ZFHX3: variants seen among roughly 807,000 people sequenced by gnomAD.
ZFHX3 encodes zinc finger homeobox 3, also known as zinc finger homeobox protein 3.
A neutral mutation model predicts 279.1 loss-of-function variants in ZFHX3; 42 were observed. The observed-to-expected ratio is 0.15, with a 90% CI of 0.12 to 0.19. The LOEUF is 0.19. Among genes scored for constraint, ZFHX3 ranks in the 10% least tolerant of loss-of-function variants. ZFHX3 has a pLI of 1.00. For missense variants in ZFHX3, 4,981 were observed against 4,754.0 expected, an observed-to-expected ratio of 1.05 and a Z score of -1.40; for synonymous variants, 2,293 against 1,957.8, an observed-to-expected ratio of 1.17 and a Z score of -4.52.
intron 1 of ZFHX3, among the ~76,000 whole-genome samples, chr16:73,872,079 G>C (rs1269816490): frequency 6.6e-6 from 1 of 152,138 alleles, no homozygotes; most frequent in African/African-American, 2.4e-5. Flanking sequence ...GTGAATGATT[G>C]GATGGAATGT....
At chr16:73,127,824 C>T (rs1966598054) in intron 7 of ZFHX3, among the ~76,000 whole-genome samples, 1 of 152,144 alleles carries the variant, frequency 6.6e-6, no homozygotes, top group South Asian at 2.1e-4. Flanking sequence ...GACTTATTTT[C>T]CTGAACTTTT....
intron 2 of ZFHX3, among the ~76,000 whole-genome samples, chr16:73,592,301 C>G (rs1393697573): frequency 1.3e-5 from 2 of 152,048 alleles, no homozygotes; most frequent in Non-Finnish European, 2.9e-5. Flanking sequence ...CAGAGATACT[C>G]AGATGGTTGC....
chr16:73,854,201 C>G (rs749179372), intron 1 of ZFHX3, among the ~76,000 whole-genome samples: 1 of 152,144 alleles, frequency 6.6e-6, no homozygotes, highest in Non-Finnish European at 1.5e-5. Context: ...TTCAGGTTCT[C>G]TTTGGCTGGG....
rs1299209519 is a variant in ZFHX3 at position 73,478,312 on chromosome 16, TG to T, written c.-1546-22055del. Reference sequence around the variant, plus strand: ...TCAGAATTAGGTACTAAAAGCCATATGACATGCCTGAACAGGGACTTGAACC... The same window carrying T: ...TCAGAATTAGGTACTAAAAGCCATATACATGCCTGAACAGGGACTTGAACC... On this transcript the variant is annotated intron_variant, in intron 2 of 17. Coordinates refer to the ZFHX3 transcript ENST00000641206. Among the ~76,000 whole-genome samples the T allele has an allele frequency of 1.5e-4, 22 of 147,638 alleles. 1 individual carries two copies. In the South Asian group the frequency reaches 4.8e-3, roughly 32 times the overall value.
At chr16:73,123,092 T>G (rs1168239714) in intron 7 of ZFHX3, among the ~76,000 whole-genome samples, 1 of 151,580 alleles carries the variant, frequency 6.6e-6, no homozygotes, top group African/African-American at 2.4e-5. Flanking sequence ...CCCCACCCTC[T>G]AAAACACAGG....
At position 72,798,562 on chromosome 16, in the gene ZFHX3, A is replaced by C. The variant is rs1358025572; in HGVS notation, c.4120T>G (p.Ser1374Ala). 14 of 1,614,186 alleles carry C rather than the reference A, an allele frequency of 8.7e-6. No individual in the cohort carries two copies. Among genetic ancestry groups the C allele is most frequent in the Non-Finnish European group, 1.1e-5 (13 of 1,180,036 alleles). ...KKGCNQVFKT[S>A]AALQTHFNEV... ...TTAAAATGCGTCTGAAGGGCAGCAG[A>C]AGTTTTGAAAACCTGGTTGCACCCC... is the stretch of plus-strand genomic sequence containing the variant. Residue 1374 changes from serine (S) to alanine (A), a missense_variant, in exon 9 of 10, where the codon TCT becomes GCT. Around this residue, in one of 7 missense-constraint regions of ZFHX3, gnomAD observed 1,751 missense variants for 1,770.0 expected, o/e 0.99. Coordinates refer to ENST00000268489, the MANE Select transcript of ZFHX3 (RefSeq NM_006885.4).
At position 72,786,516 on chromosome 16, in the gene ZFHX3, T is replaced by G. The variant is rs1363295235; in HGVS notation, c.*648A>C. On this transcript the variant is annotated 3_prime_UTR_variant, in exon 10 of 10. Coordinates refer to ENST00000268489, the MANE Select transcript of ZFHX3 (RefSeq NM_006885.4). ...AAAATCCCCAGAAAGCTAAAGCAGT[T>G]CACATTGTTTTTCTTGAATACTTTC... is the stretch of plus-strand genomic sequence containing the variant. 6.7e-6 allele frequency: 1 copy of G among 149,828 alleles called. No homozygotes were observed. The highest frequency in any genetic ancestry group is 1.5e-5 in the Non-Finnish European group (1 of 67,622). The allele number at this position is 149,828 out of a possible 1,614,324, so 9.3% of individuals were successfully genotyped here. A position where few individuals can be genotyped will look rare whatever the true frequency, so the allele number is the denominator to read the frequency against.
intron 1 of ZFHX3, among the ~76,000 whole-genome samples, chr16:73,738,136 G>A (rs1223143186): frequency 6.6e-6 from 1 of 152,184 alleles, no homozygotes; most frequent in African/African-American, 2.4e-5. Context: ...TTTTGAATCA[G>A]GCACTTTTAT....
chr16:73,263,916 C>T (rs143264757), intron 4 of ZFHX3, among the ~76,000 whole-genome samples: 2,195 of 152,318 alleles, frequency 0.014, 49 homozygotes, highest in African/African-American at 0.051. Context: ...CCTGTAATCC[C>T]AGCACTTTGG....
chr16:73,684,187 GAGAGGCTA>G (rs973906656), intron 1 of ZFHX3, among the ~76,000 whole-genome samples: 8 of 152,234 alleles, frequency 5.3e-5, no homozygotes, highest in African/African-American at 1.9e-4. Context: ...CCAGCTACTC[GAGAGGCTA>G]AGATAAGAGG....
intron 2 of ZFHX3, among the ~76,000 whole-genome samples, chr16:73,588,353 AG>A (rs1308184292): frequency 6.6e-6 from 1 of 152,204 alleles, no homozygotes; most frequent in Non-Finnish European, 1.5e-5. Context: ...ATGTCCAAAA[AG>A]CTTGGAGTTT....
At chr16:72,788,938 G>C in intron 9 of ZFHX3, 90 bp from the exon 10 acceptor site, 2 of 1,482,158 alleles carry the variant, frequency 1.3e-6, no homozygotes, top group South Asian at 3.0e-5. Flanking sequence ...CTGGCACACA[G>C]TTTGAGATGT....
intron 2 of ZFHX3, chr16:73,543,885 G>GGGGAGAGAGAGAGAGAGAGAGAGAGAGA (rs1555523939): frequency 2.2e-5 from 3 of 136,454 alleles, no homozygotes; most frequent in African/African-American, 3.1e-5. Flanking sequence ...AGCGAGAGAG[G>GGGGAGAGAGAGAGAGAGAGAGAGAGAGA]GAGAGAGAGA....
chr16:73,056,922 T>C (rs1188266759), intron 1 of ZFHX3, among the ~76,000 whole-genome samples: 3 of 152,212 alleles, frequency 2.0e-5, no homozygotes, highest in African/African-American at 4.8e-5. Flanking sequence ...TCCTCAATTG[T>C]CCCCACTGAA....
chr16:73,876,778 A>G (rs190700578), intron 1 of ZFHX3, among the ~76,000 whole-genome samples: 1 of 152,208 alleles, frequency 6.6e-6, no homozygotes, highest in Admixed American at 6.5e-5. Flanking sequence ...ATGTAAAACA[A>G]CCCCCTAGAA....
chr16:72,928,714 A>C (rs184140840), intron 3 of ZFHX3, among the ~76,000 whole-genome samples: 1 of 152,370 alleles, frequency 6.6e-6, no homozygotes, highest in East Asian at 1.9e-4. Flanking sequence ...ATAGTGGCTC[A>C]GGCCTGTAAT....
At chr16:72,817,524 G>T (rs771178178) in intron 5 of ZFHX3, among the ~76,000 whole-genome samples, 5 of 152,182 alleles carry the variant, frequency 3.3e-5, no homozygotes, top group Non-Finnish European at 7.3e-5. Flanking sequence ...CATACTGGTA[G>T]AATTAGTTTC....
At chr16:73,210,316 T>C (rs1323759273) in intron 5 of ZFHX3, among the ~76,000 whole-genome samples, 1 of 152,122 alleles carries the variant, frequency 6.6e-6, no homozygotes, top group Non-Finnish European at 1.5e-5. Flanking sequence ...CGGCAAGGGA[T>C]AAGGGCAAAC....
chr16:73,229,008 T>C (rs1413853251), intron 5 of ZFHX3, among the ~76,000 whole-genome samples: 1 of 152,192 alleles, frequency 6.6e-6, no homozygotes, highest in Admixed American at 6.5e-5. Flanking sequence ...ACTCGGTATA[T>C]ACTCAATATA....
Sources: allele counts gnomAD v4.1 joint callset (sites outside exome capture counted in the v4.1 genomes callset), GRCh38; gene constraint gnomAD v4.1.1; regional missense constraint gnomAD v4.1.1; transcripts MANE v1.5; gene names NCBI Gene and HGNC (gene_info 2026-07-23, HGNC 2026-07-21).